Variants in RAB31 observed in about 807,000 individuals in gnomAD.
RAB31 encodes RAB31, member RAS oncogene family, also known as ras-related protein Rab-31.
In RAB31, 21 loss-of-function variants were observed where a neutral mutation model predicts 25.6. The observed-to-expected ratio is 0.82, with a 90% CI of 0.58 to 1.18. The LOEUF is 1.18. Ranked by LOEUF, RAB31 falls within the 50% of genes most tolerant of loss-of-function variation. RAB31 has a pLI of 0.00. For synonymous variants in RAB31, 87 were observed against 84.0 expected (o/e 1.04, Z -0.20); for missense variants, 196 against 250.1 (o/e 0.78, Z 1.46).
At chr18:9,806,391 C>A (rs1336979584) in intron 3 of RAB31, among the ~76,000 whole-genome samples, 2 of 151,958 alleles carry the variant, frequency 1.3e-5, no homozygotes, top group East Asian at 3.9e-4. Context: ...GGGAGGGTGG[C>A]AGTTGATTAA....
intron 1 of RAB31, among the ~76,000 whole-genome samples, chr18:9,752,319 G>A (rs1402949236): frequency 6.6e-6 from 1 of 152,074 alleles, no homozygotes; most frequent in African/African-American, 2.4e-5. Context: ...GTGCCTCCTG[G>A]GTTCAAGTGA....
At chr18:9,816,340 G>A (rs1205932236) in intron 5 of RAB31, among the ~76,000 whole-genome samples, 2 of 152,166 alleles carry the variant, frequency 1.3e-5, no homozygotes, top group Admixed American at 1.3e-4. Context: ...TATAACTCCT[G>A]TACATAACAC....
intron 3 of RAB31, among the ~76,000 whole-genome samples, chr18:9,804,449 C>T (rs528884615): frequency 1.3e-5 from 2 of 152,300 alleles, no homozygotes; most frequent in Admixed American, 6.5e-5. Flanking sequence ...GGGGCCAAAA[C>T]ACAGAGCCGC....
intron 5 of RAB31, among the ~76,000 whole-genome samples, chr18:9,844,225 G>A (rs2068748954): frequency 2.0e-5 from 3 of 152,090 alleles, no homozygotes; most frequent in Admixed American, 6.5e-5. Flanking sequence ...GACAGACATG[G>A]TGTGCCTCCC....
chr18:9,806,370 A>T (rs1273773736), intron 3 of RAB31, among the ~76,000 whole-genome samples: 1 of 152,028 alleles, frequency 6.6e-6, no homozygotes, highest in Non-Finnish European at 1.5e-5. Context: ...GGATTCAGGG[A>T]AGGGTTCTCA....
intron 5 of RAB31, among the ~76,000 whole-genome samples, chr18:9,823,707 T>C (rs1599054764): frequency 6.6e-6 from 1 of 152,110 alleles, no homozygotes; most frequent in Non-Finnish European, 1.5e-5. Flanking sequence ...TGGCAAAAAT[T>C]ACAAAGGGGG....
At chr18:9,721,056 T>C (rs2068071409) in intron 1 of RAB31, among the ~76,000 whole-genome samples, 1 of 152,114 alleles carries the variant, frequency 6.6e-6, no homozygotes, top group Non-Finnish European at 1.5e-5. Flanking sequence ...TGGGGTGATA[T>C]TTGGGCTTTT....
chr18:9,786,128 A>AAAAGG (rs1417454641), intron 2 of RAB31, among the ~76,000 whole-genome samples: 2 of 150,642 alleles, frequency 1.3e-5, no homozygotes, highest in East Asian at 3.9e-4. Context: ...CTCTGTCAAA[A>AAAAGG]AAAGGAAAGG....
intron 3 of RAB31, among the ~76,000 whole-genome samples, chr18:9,809,978 C>A (rs1026968749): frequency 6.6e-6 from 1 of 152,178 alleles, no homozygotes; most frequent in African/African-American, 2.4e-5. Flanking sequence ...TGAAGAAGGC[C>A]GTTCCCGTCT....
At chr18:9,718,544 C>A (rs535529624) in intron 1 of RAB31, among the ~76,000 whole-genome samples, 134 of 152,326 alleles carry the variant, frequency 8.8e-4, no homozygotes, top group African/African-American at 2.9e-3. Context: ...CAGGCATGAG[C>A]CACTGCAACC....
chr18:9,838,704 C>T (rs1486559620), intron 5 of RAB31, among the ~76,000 whole-genome samples: 1 of 152,210 alleles, frequency 6.6e-6, no homozygotes, highest in Non-Finnish European at 1.5e-5. Flanking sequence ...TCCTGATCCC[C>T]TCCCCTGCTG....
Position 9,845,648 on chromosome 18 carries a change from T to C in RAB31, c.447T>C (p.Ser149=). The change falls in exon 6 of 7, where the codon AGT becomes AGC. Residue 149 remains serine (S), a synonymous_variant. Transcript: ENST00000578921. ...ESIGAIVVET[S]AKNAINIEEL... is the part of the protein sequence containing the mutation. The stretch of plus-strand genomic sequence containing the variant: ...TAGGTGCCATCGTGGTTGAGACAAG[T>C]GCAAAAAATGCTATTAATATCGAAG... 2 of 1,567,406 alleles carry C rather than the reference T, an allele frequency of 1.3e-6. No homozygotes were observed. Among genetic ancestry groups the C allele is most frequent in the Middle Eastern group, 1.7e-4 (1 of 6,000 alleles).
chr18:9,808,639 C>CT (rs2068554306), intron 3 of RAB31, among the ~76,000 whole-genome samples: 1 of 152,232 alleles, frequency 6.6e-6, no homozygotes, highest in Admixed American at 6.5e-5. Context: ...ACCTTGGGCT[C>CT]TTTTTGGCAT....
At chr18:9,777,476 A>T (rs1004319282) in intron 2 of RAB31, among the ~76,000 whole-genome samples, 15 of 152,218 alleles carry the variant, frequency 9.9e-5, no homozygotes, top group African/African-American at 3.6e-4. Flanking sequence ...GTTGTGAGAG[A>T]CCATAAAGAA....
chr18:9,745,813 G>A (rs2068202572), intron 1 of RAB31, among the ~76,000 whole-genome samples: 1 of 152,216 alleles, frequency 6.6e-6, no homozygotes, highest in Non-Finnish European at 1.5e-5. Flanking sequence ...CCCACAGCTA[G>A]CATCCTGTTC....
At chr18:9,842,207 T>G (rs547632165) in intron 5 of RAB31, among the ~76,000 whole-genome samples, 3 of 152,166 alleles carry the variant, frequency 2.0e-5, no homozygotes, top group Non-Finnish European at 4.4e-5. Context: ...TAGTTCGTAT[T>G]GAGGCTTCAT....
chr18:9,757,319 TGGAGCA>T (rs2068265035), intron 1 of RAB31, among the ~76,000 whole-genome samples: 1 of 152,168 alleles, frequency 6.6e-6, no homozygotes, highest in Admixed American at 6.5e-5. Context: ...AGTGGGGACA[TGGAGCA>T]GGTGCCTGCG....
intron 1 of RAB31, among the ~76,000 whole-genome samples, chr18:9,720,478 C>T (rs1241426366): frequency 1.3e-5 from 2 of 151,886 alleles, no homozygotes; most frequent in Non-Finnish European, 2.9e-5. Context: ...CCAGGGAGAG[C>T]GTGTGGTGTC....
At chr18:9,765,811 G>A (rs1480994967) in intron 1 of RAB31, among the ~76,000 whole-genome samples, 2 of 152,214 alleles carry the variant, frequency 1.3e-5, no homozygotes, top group Admixed American at 6.5e-5. Flanking sequence ...AGTGATGTTC[G>A]TTGTTTTAAC....
Sources: gnomAD v4.1 joint callset for allele counts (sites outside exome capture counted in the v4.1 genomes callset) on GRCh38, gnomAD v4.1.1 for gene constraint, MANE v1.5 for transcripts, NCBI Gene and HGNC (gene_info 2026-07-23, HGNC 2026-07-21) for gene names.